Variants in TIAM2 observed in about 807,000 individuals in gnomAD.
TIAM2 encodes TIAM Rac1 associated GEF 2.
A neutral mutation model predicts 152.9 loss-of-function variants in TIAM2; 80 were observed. That is an observed-to-expected ratio of 0.52 (90% CI 0.44 to 0.63). The LOEUF (loss-of-function observed/expected upper bound fraction) is 0.63, where lower values mean the gene tolerates loss of function less well. Ranked by LOEUF, TIAM2 falls within the 30% of genes least tolerant of loss-of-function variation. The pLI, the probability that TIAM2 is intolerant of heterozygous loss-of-function variation, is 0.00. For missense variants in TIAM2, 1,965 were observed against 2,120.1 expected (o/e 0.93, Z 1.44); for synonymous variants, 804 against 838.0 (o/e 0.96, Z 0.70).
chr6:155,191,360 C>T (rs561791298), intron 14 of TIAM2, among the ~76,000 whole-genome samples: 1 of 152,204 alleles, frequency 6.6e-6, no homozygotes, highest in African/African-American at 2.4e-5. Context: ...CTGCCTGGCA[C>T]GTAGTAAATG....
intron 6 of TIAM2, among the ~76,000 whole-genome samples, chr6:155,146,745 G>A (rs1308331848): frequency 6.7e-6 from 1 of 148,986 alleles, no homozygotes; most frequent in Admixed American, 6.8e-5. Flanking sequence ...GGGATTACAG[G>A]TGCCCGCCGC....
At chr6:155,254,244 A>C in intron 25 of TIAM2, 175 bp from the exon 26 acceptor site, 1 of 1,016,816 alleles carries the variant, frequency 9.8e-7, no homozygotes, top group Non-Finnish European at 1.4e-6. Flanking sequence ...TCAAAATCTT[A>C]AGAGTGATCA....
chr6:155,137,709 C>A, intron 5 of TIAM2, 97 bp downstream of exon 5: 1 of 1,349,844 alleles, frequency 7.4e-7, no homozygotes, highest in Non-Finnish European at 9.9e-7. Context: ...GATTTGAGTT[C>A]ACATGAGGGG....
intron 3 of TIAM2, among the ~76,000 whole-genome samples, chr6:155,127,992 T>C (rs1583204529): frequency 6.6e-6 from 1 of 152,050 alleles, no homozygotes; most frequent in South Asian, 2.1e-4. Context: ...CATAGCAAGA[T>C]CCCACCTCAA....
chr6:155,104,644 C>T (rs921930797), intron 2 of TIAM2, among the ~76,000 whole-genome samples: 5 of 151,840 alleles, frequency 3.3e-5, no homozygotes, highest in Admixed American at 3.3e-4. Flanking sequence ...GTAGTCCCAG[C>T]TACTAGGGAG....
intron 1 of TIAM2, among the ~76,000 whole-genome samples, chr6:154,999,486 C>T (rs9480000): frequency 0.14 from 21,761 of 151,552 alleles, 1,775 homozygotes; most frequent in African/African-American, 0.22. Context: ...GGATTACAGG[C>T]GTGAGCCACC....
At chr6:155,042,606 A>G (rs1035961368) in intron 1 of TIAM2, among the ~76,000 whole-genome samples, 6 of 152,190 alleles carry the variant, frequency 3.9e-5, no homozygotes, top group Non-Finnish European at 2.9e-5. Context: ...CAAATAAATA[A>G]TAGCAAGCAG....
rs1165528377 is a variant in TIAM2 at position 155,143,952 on chromosome 6, A to T, written c.1631-654A>T. ...TTCTTTCTAAGCAGGAGCTACAGAT[A>T]AAAGGTTAAATATCCCCACAGGTAG... On this transcript the variant is annotated intron_variant, in intron 5 of 26. Coordinates refer to ENST00000682666, the MANE Select transcript of TIAM2 (RefSeq NM_012454.4). Among the ~76,000 whole-genome samples, 3 of 152,184 alleles carry T rather than the reference A, an allele frequency of 2.0e-5. No homozygotes were observed. In the East Asian group the frequency reaches 5.8e-4, roughly 29 times the overall value.
intron 1 of TIAM2, among the ~76,000 whole-genome samples, chr6:155,052,773 CAAAAAAAA>C: frequency 8.5e-6 from 1 of 117,026 alleles, no homozygotes; most frequent in African/African-American, 3.3e-5. Context: ...AACTCCATCT[CAAAAAAAA>C]AAAAAAAAAG....
At chr6:155,016,431 G>A (rs1778583228) in intron 1 of TIAM2, 2 of 148,310 alleles carry the variant, frequency 1.3e-5, no homozygotes, top group African/African-American at 4.9e-5. Context: ...TTGTGTAGAT[G>A]TTAATGGTGC....
rs2115220331 is a variant in TIAM2, at chr6:155,213,381, C to T, written c.3168+2074C>T. Among the ~76,000 whole-genome samples the T allele has an allele frequency of 6.6e-6, 1 of 152,280 alleles. No individual in the cohort carries two copies. Among genetic ancestry groups the T allele is most frequent in the African/African-American group, 2.4e-5 (1 of 41,560 alleles). On this transcript the variant is annotated intron_variant, in intron 15 of 26. Coordinates refer to ENST00000682666, the MANE Select transcript of TIAM2 (RefSeq NM_012454.4). The surrounding 1 kb of genome is among the most constrained non-coding windows in gnomAD (Gnocchi z 4.2). ...CCCTGGAGTGGGTAGCTCCTCTCCACAGCTGGTAGTACTAATGTCTGCTTA... is the reference window on the plus strand; with the variant it reads ...CCCTGGAGTGGGTAGCTCCTCTCCATAGCTGGTAGTACTAATGTCTGCTTA...
chr6:155,166,494 G>A (rs1423996141), intron 9 of TIAM2, among the ~76,000 whole-genome samples: 1 of 151,754 alleles, frequency 6.6e-6, no homozygotes, highest in African/African-American at 2.4e-5. Context: ...TGGCTAATTT[G>A]TGTATTTTTA....
intron 15 of TIAM2, among the ~76,000 whole-genome samples, chr6:155,223,778 AAGGG>A (rs1012172379): frequency 5.3e-5 from 8 of 152,140 alleles, no homozygotes; most frequent in Non-Finnish European, 8.8e-5. Context: ...TGCTCAGCGT[AAGGG>A]ACGCTCAGGT....
chr6:155,250,220 C>T (rs1280645689), intron 21 of TIAM2, among the ~76,000 whole-genome samples: 1 of 151,390 alleles, frequency 6.6e-6, no homozygotes, highest in Non-Finnish European at 1.5e-5. Flanking sequence ...TGAGAGCTGG[C>T]AGAGGGTGGG....
intron 2 of TIAM2, among the ~76,000 whole-genome samples, chr6:155,099,368 C>T (rs1436625708): frequency 6.6e-6 from 1 of 151,994 alleles, no homozygotes; most frequent in Non-Finnish European, 1.5e-5. Context: ...TTTAGATTTG[C>T]AATGGCTTTA....
At chr6:155,114,039 T>A (rs1394994323) in intron 2 of TIAM2, among the ~76,000 whole-genome samples, 3,061 of 66,050 alleles carry the variant, frequency 0.046, 248 homozygotes, top group African/African-American at 0.091. Flanking sequence ...TATATATATT[T>A]TTTTTTTTTT....
At chr6:155,114,757 T>C (rs1387428036) in intron 2 of TIAM2, among the ~76,000 whole-genome samples, 1 of 151,954 alleles carries the variant, frequency 6.6e-6, no homozygotes, top group Non-Finnish European at 1.5e-5. Flanking sequence ...TAGAGAAGGA[T>C]GTTTAAGATG....
In TIAM2 at chr6:155,129,378, GAGC is replaced by G. The variant is rs750434624; in HGVS notation, c.158_160del (p.Ala53del). The G allele has an allele frequency of 3.7e-6, 6 of 1,613,998 alleles. No homozygotes were observed. The South Asian group carries it at 6.6e-5, about 18-fold the overall frequency. Reference sequence around the variant, plus strand: ...CATGGATGGGGTCACGGAAGCAACGGAGCAGGTTACAAGTCCAGGTCCCTGGCC... The same window carrying G: ...CATGGATGGGGTCACGGAAGCAACGGAGGTTACAAGTCCAGGTCCCTGGCC... On this transcript the variant is annotated inframe_deletion, in exon 4 of 27. Coordinates refer to ENST00000682666, the MANE Select transcript of TIAM2 (RefSeq NM_012454.4). The surrounding 1 kb of genome is among the most constrained non-coding windows in gnomAD (Gnocchi z 4.8).
chr6:155,124,425 C>T (rs772881138), intron 2 of TIAM2, among the ~76,000 whole-genome samples: 2 of 152,064 alleles, frequency 1.3e-5, no homozygotes, highest in African/African-American at 2.4e-5. Flanking sequence ...CTGCCTCTGG[C>T]GTTTAAGTGA....
Sources: allele counts gnomAD v4.1 joint callset (sites outside exome capture counted in the v4.1 genomes callset), GRCh38; gene constraint gnomAD v4.1.1; non-coding constraint Gnocchi (gnomAD v3.1); transcripts MANE v1.5; gene names NCBI Gene and HGNC (gene_info 2026-07-23, HGNC 2026-07-21).